Variants in NKAIN3 observed in about 807,000 individuals in gnomAD.
The protein encoded by NKAIN3 is sodium/potassium-transporting ATPase subunit beta-1-interacting protein 3.
A neutral mutation model predicts 30.2 loss-of-function variants in NKAIN3; 25 were observed. The observed-to-expected ratio is 0.83, with a 90% CI of 0.60 to 1.16. NKAIN3 has a LOEUF of 1.16. NKAIN3 is among the 50% of genes most tolerant of loss of function. The pLI, the probability that NKAIN3 is intolerant of heterozygous loss-of-function variation, is 0.00. For missense variants in NKAIN3, 225 were observed against 254.1 expected, an observed-to-expected ratio of 0.89 and a Z score of 0.78; for synonymous variants, 91 against 89.6, an observed-to-expected ratio of 1.02 and a Z score of -0.09.
At chr8:62,601,226 G>A (rs1338655009) in intron 3 of NKAIN3, among the ~76,000 whole-genome samples, 2 of 151,834 alleles carry the variant, frequency 1.3e-5, no homozygotes, top group East Asian at 3.9e-4. Context: ...ACAACCTACT[G>A]AATCTAGTAA....
chr8:62,840,069 C>A (rs1819485641), intron 4 of NKAIN3, among the ~76,000 whole-genome samples: 1 of 152,098 alleles, frequency 6.6e-6, no homozygotes, highest in South Asian at 2.1e-4. Flanking sequence ...CAAAGCACTG[C>A]TCTTAGTAGG....
At chr8:62,407,180 CCATT>C (rs1165798129) in intron 1 of NKAIN3, among the ~76,000 whole-genome samples, 1 of 151,590 alleles carries the variant, frequency 6.6e-6, no homozygotes, top group African/African-American at 2.4e-5. Context: ...CATAAATCAA[CCATT>C]CAGAGATAAA....
At chr8:62,689,990 A>T (rs1268165358) in intron 3 of NKAIN3, among the ~76,000 whole-genome samples, 1 of 150,130 alleles carries the variant, frequency 6.7e-6, no homozygotes, top group East Asian at 1.9e-4. Context: ...ATAAATAAAT[A>T]AAATTGCACA....
chr8:62,860,231 G>T (rs1205341558), intron 4 of NKAIN3, among the ~76,000 whole-genome samples: 1 of 152,172 alleles, frequency 6.6e-6, no homozygotes, highest in African/African-American at 2.4e-5. Context: ...AGGCCACATG[G>T]TATGGTAGCA....
At chr8:62,337,925 A>G (rs971588539) in intron 1 of NKAIN3, among the ~76,000 whole-genome samples, 2 of 152,092 alleles carry the variant, frequency 1.3e-5, no homozygotes, top group Non-Finnish European at 2.9e-5. Flanking sequence ...TTGCACAATA[A>G]GTTATTGTTA....
chr8:62,812,335 T>A (rs1322161585), intron 4 of NKAIN3, among the ~76,000 whole-genome samples: 1 of 151,892 alleles, frequency 6.6e-6, no homozygotes, highest in African/African-American at 2.4e-5. Flanking sequence ...TTCATATATA[T>A]TTTAGAAGAA....
At chr8:62,958,772 A>T (rs551143306) in intron 6 of NKAIN3, among the ~76,000 whole-genome samples, 2 of 152,348 alleles carry the variant, frequency 1.3e-5, no homozygotes, top group Non-Finnish European at 2.9e-5. Context: ...ATGGTTAGCA[A>T]CTGAGTACCG....
intron 3 of NKAIN3, among the ~76,000 whole-genome samples, chr8:62,665,744 A>G (rs1160220440): frequency 6.6e-6 from 1 of 152,164 alleles, no homozygotes; most frequent in Non-Finnish European, 1.5e-5. Flanking sequence ...CAGCATCCTG[A>G]TACAGTGATG....
chr8:62,355,247 C>T (rs1463433693), intron 1 of NKAIN3, among the ~76,000 whole-genome samples: 1 of 152,210 alleles, frequency 6.6e-6, no homozygotes, highest in Non-Finnish European at 1.5e-5. Context: ...TCAGCATTTT[C>T]ATGATGCGTA....
chr8:62,275,657 C>G (rs1812926466), intron 1 of NKAIN3, among the ~76,000 whole-genome samples: 1 of 152,038 alleles, frequency 6.6e-6, no homozygotes, highest in Admixed American at 6.6e-5. Context: ...TAGAAGAATC[C>G]TATGAAATTT....
At chr8:62,306,634 A>G (rs1814254187) in intron 1 of NKAIN3, among the ~76,000 whole-genome samples, 1 of 148,974 alleles carries the variant, frequency 6.7e-6, no homozygotes, top group Non-Finnish European at 1.5e-5. Flanking sequence ...GGTATCAGTC[A>G]GCAATAGAAC....
At chr8:62,610,050 G>T (rs1406015013) in intron 3 of NKAIN3, among the ~76,000 whole-genome samples, 1 of 152,006 alleles carries the variant, frequency 6.6e-6, no homozygotes, top group African/African-American at 2.4e-5. Flanking sequence ...GTCCAGGTAA[G>T]AAACAAAGGT....
intron 5 of NKAIN3, among the ~76,000 whole-genome samples, chr8:62,927,905 A>G (rs1822498797): frequency 6.6e-6 from 1 of 152,228 alleles, no homozygotes; most frequent in African/African-American, 2.4e-5. Flanking sequence ...AAAATGGCAT[A>G]TAATATTTTT....
intron 4 of NKAIN3, among the ~76,000 whole-genome samples, chr8:62,858,196 G>A (rs1055702210): frequency 3.3e-5 from 5 of 152,152 alleles, no homozygotes; most frequent in East Asian, 1.9e-4. Context: ...CGAAGTCTGC[G>A]AAATAGCAAA....
intron 5 of NKAIN3, among the ~76,000 whole-genome samples, chr8:62,931,528 G>A (rs935634638): frequency 1.3e-5 from 2 of 152,136 alleles, no homozygotes; most frequent in Admixed American, 6.5e-5. Flanking sequence ...TCATGTGTTA[G>A]AAATACACTT....
chr8:62,785,271 C>T (rs1379242270), intron 4 of NKAIN3, among the ~76,000 whole-genome samples: 1 of 152,084 alleles, frequency 6.6e-6, no homozygotes, highest in Non-Finnish European at 1.5e-5. Context: ...CTAGTATACA[C>T]TGCAATGTAG....
At chr8:62,648,654 T>G (rs1242629487) in intron 3 of NKAIN3, among the ~76,000 whole-genome samples, 1 of 152,184 alleles carries the variant, frequency 6.6e-6, no homozygotes, top group African/African-American at 2.4e-5. Flanking sequence ...GGAATCCCCT[T>G]AACAAAAAGG....
intron 1 of NKAIN3, among the ~76,000 whole-genome samples, chr8:62,564,407 C>T (rs1008523333): frequency 4.2e-4 from 64 of 152,112 alleles, no homozygotes; most frequent in Non-Finnish European, 1.3e-4. Context: ...GCTCCAAACC[C>T]GACCAGGCAT....
Position 62,911,438 on chromosome 8 carries a change from C to T in NKAIN3, c.472-7015C>T, listed in dbSNP as rs146465739. Among the ~76,000 whole-genome samples the T allele has an allele frequency of 3.3e-4, 51 of 152,266 alleles. No homozygotes were observed. In the East Asian group the frequency reaches 7.9e-3, roughly 24 times the overall value. ...AATAAGCAACTTCCAAGATAGAATT[C>T]GCAATGCATCATCTAAATTTCTGTC... On this transcript the variant is annotated intron_variant, in intron 4 of 6. Coordinates refer to ENST00000623646, the MANE Select transcript of NKAIN3 (RefSeq NM_001304533.3).
Sources: gnomAD v4.1 joint callset for allele counts (sites outside exome capture counted in the v4.1 genomes callset) on GRCh38, gnomAD v4.1.1 for gene constraint, MANE v1.5 for transcripts, NCBI Gene and HGNC (gene_info 2026-07-23, HGNC 2026-07-21) for gene names.